GRM1: variants seen among roughly 807,000 people sequenced by gnomAD.
GRM1 encodes metabotropic glutamate receptor 1.
Under a neutral mutation model 90.9 loss-of-function variants are expected in GRM1, and 33 were observed. The observed-to-expected ratio is 0.36, with a 90% CI of 0.28 to 0.49. GRM1 has a LOEUF of 0.49. Among genes scored for constraint, GRM1 ranks in the 20% least tolerant of loss-of-function variants. The pLI, the probability that GRM1 is intolerant of heterozygous loss-of-function variation, is 0.99. For synonymous variants in GRM1, 700 were observed against 613.2 expected, an observed-to-expected ratio of 1.14 and a Z score of -2.09; for missense variants, 1,190 against 1,534.3, an observed-to-expected ratio of 0.78 and a Z score of 3.75.
At chr6:146,374,493 G>A (rs1327245441) in intron 5 of GRM1, among the ~76,000 whole-genome samples, 1 of 152,072 alleles carries the variant, frequency 6.6e-6, no homozygotes, top group Non-Finnish European at 1.5e-5. Context: ...AAGCAAACAG[G>A]TCCCTGGCTT....
chr6:146,250,857 A>G (rs1781244652), intron 2 of GRM1, among the ~76,000 whole-genome samples: 1 of 152,218 alleles, frequency 6.6e-6, no homozygotes, highest in African/African-American at 2.4e-5. Flanking sequence ...GGAAATGTTT[A>G]AATAAATCAG....
At chr6:146,373,082 T>TA (rs779583017) in intron 5 of GRM1, among the ~76,000 whole-genome samples, 4 of 152,154 alleles carry the variant, frequency 2.6e-5, no homozygotes, top group Non-Finnish European at 5.9e-5. Flanking sequence ...GATATTGGTT[T>TA]ATTCTAATCA....
intron 2 of GRM1, among the ~76,000 whole-genome samples, chr6:146,292,867 A>G (rs1188372320): frequency 6.6e-6 from 1 of 152,024 alleles, no homozygotes; most frequent in Non-Finnish European, 1.5e-5. Context: ...AAACAACCCA[A>G]AAGCTCATCA....
At chr6:146,128,103 T>C (rs1776262462) in intron 1 of GRM1, among the ~76,000 whole-genome samples, 1 of 152,156 alleles carries the variant, frequency 6.6e-6, no homozygotes, top group South Asian at 2.1e-4. Flanking sequence ...CAAGGGCAAG[T>C]ATCCCTAGGT....
chr6:146,381,952 T>C (rs1371936769), intron 5 of GRM1, among the ~76,000 whole-genome samples: 1 of 152,188 alleles, frequency 6.6e-6, no homozygotes, highest in African/African-American at 2.4e-5. Context: ...TTTCCTATGG[T>C]ATAAATGTTT....
intron 7 of GRM1, among the ~76,000 whole-genome samples, chr6:146,409,261 C>T (rs1054479042): frequency 1.1e-4 from 17 of 151,934 alleles, no homozygotes; most frequent in Admixed American, 5.2e-4. Flanking sequence ...ATAACCATGC[C>T]AATGCTCATG....
chr6:146,227,988 A>C (rs1780307765), intron 2 of GRM1, among the ~76,000 whole-genome samples: 1 of 152,176 alleles, frequency 6.6e-6, no homozygotes, highest in Non-Finnish European at 1.5e-5. Flanking sequence ...TTGTCAAGCG[A>C]GACCACGATT....
chr6:146,164,873 G>T (rs374544819), intron 2 of GRM1, among the ~76,000 whole-genome samples: 20 of 151,950 alleles, frequency 1.3e-4, no homozygotes, highest in African/African-American at 4.8e-4. Context: ...AGACATACTA[G>T]GTGTACCATA....
intron 2 of GRM1, among the ~76,000 whole-genome samples, chr6:146,192,044 C>G (rs886699826): frequency 6.6e-6 from 1 of 152,154 alleles, no homozygotes; most frequent in Non-Finnish European, 1.5e-5. Context: ...ATTCAGACTA[C>G]TTACTAACCT....
intron 2 of GRM1, among the ~76,000 whole-genome samples, chr6:146,200,274 G>A (rs921301517): frequency 5.9e-5 from 9 of 152,142 alleles, no homozygotes; most frequent in Admixed American, 5.2e-4. Context: ...TACCAGTAAA[G>A]CTCCCTTGCT....
chr6:146,399,767 C>CTG lies in GRM1; in HGVS notation c.2660+69_2660+70insGT. On this transcript the variant is annotated intron_variant, in intron 7 of 7. Transcript: ENST00000282753. This position sits in a 1 kb window ranked among gnomAD's most constrained non-coding sequence, Gnocchi z 5.4. ...TCTGTCTCTTTCTCTCTCTCTCTCT[C>CTG]TCTCTCTTTCTCTGTCTCTCATATC... 1.9e-6 allele frequency: 2 copies of CTG among 1,056,018 alleles called. No homozygotes were observed. The highest frequency in any genetic ancestry group is 2.8e-6 in the Non-Finnish European group (2 of 709,404). 65.4% of individuals were successfully genotyped at this position (1,056,018 alleles called of 1,614,324 possible). A position where few individuals can be genotyped will look rare whatever the true frequency, so the allele number is the denominator to read the frequency against.
chr6:146,067,370 A>T (rs1284274592), intron 1 of GRM1, among the ~76,000 whole-genome samples: 1 of 152,220 alleles, frequency 6.6e-6, no homozygotes, highest in Non-Finnish European at 1.5e-5. Context: ...TTTTAGACAC[A>T]TTCCAACCAC....
At chr6:146,333,406 G>T (rs1215248387) in intron 3 of GRM1, among the ~76,000 whole-genome samples, 1 of 152,058 alleles carries the variant, frequency 6.6e-6, no homozygotes, top group Admixed American at 6.5e-5. Context: ...AAGATAAATT[G>T]AGGAAAATCA....
chr6:146,072,488 C>T (rs902510909), intron 1 of GRM1, among the ~76,000 whole-genome samples: 5 of 152,008 alleles, frequency 3.3e-5, no homozygotes, highest in Non-Finnish European at 7.4e-5. Flanking sequence ...AGCAAGATTC[C>T]ACATCAAAAG....
chr6:146,128,962 C>T (rs1776294693), intron 1 of GRM1, among the ~76,000 whole-genome samples: 1 of 152,030 alleles, frequency 6.6e-6, no homozygotes, highest in Admixed American at 6.6e-5. Context: ...TTTTGTATTC[C>T]TAGAGTCTTT....
rs1778604487 is a variant in GRM1, at chr6:146,436,679, TTTACC to T, written c.*1884_*1888del. On this transcript the variant is annotated 3_prime_UTR_variant, in exon 8 of 8. Coordinates refer to ENST00000282753, the MANE Select transcript of GRM1 (RefSeq NM_001278064.2). ...ACTTACTCCATCTTTACAATCCCTTTTTACCACCAATAAAAGGATTTTTCTTGCTG... is the reference window on the plus strand; with the variant it reads ...ACTTACTCCATCTTTACAATCCCTTTACCAATAAAAGGATTTTTCTTGCTG... 3 of 152,638 alleles carry T rather than the reference TTTACC, an allele frequency of 2.0e-5. No homozygotes were observed. In the East Asian group the frequency reaches 5.8e-4, roughly 29 times the overall value. The allele number at this position is 152,638 out of a possible 1,614,324, so 9.5% of individuals were successfully genotyped here.
intron 6 of GRM1, among the ~76,000 whole-genome samples, chr6:146,393,495 G>A (rs1431139874): frequency 6.6e-6 from 1 of 152,096 alleles, no homozygotes; most frequent in Non-Finnish European, 1.5e-5. Context: ...TCACTCTGAT[G>A]ATAGTTTCTT....
At chr6:146,380,429 C>T (rs977519746) in intron 5 of GRM1, among the ~76,000 whole-genome samples, 1 of 151,636 alleles carries the variant, frequency 6.6e-6, no homozygotes, top group African/African-American at 2.4e-5. Flanking sequence ...ACTGCCACCC[C>T]AGGCCATAAG....
chr6:146,299,045 C>T (rs139424165), intron 2 of GRM1, among the ~76,000 whole-genome samples: 1 of 152,274 alleles, frequency 6.6e-6, no homozygotes, highest in African/African-American at 2.4e-5. Flanking sequence ...GATTTTTGCA[C>T]AAGCTGCCCA....
Sources: allele counts gnomAD v4.1 joint callset (sites outside exome capture counted in the v4.1 genomes callset), GRCh38; gene constraint gnomAD v4.1.1; non-coding constraint Gnocchi (gnomAD v3.1); transcripts MANE v1.5; gene names NCBI Gene and HGNC (gene_info 2026-07-23, HGNC 2026-07-21).